The following FLT1 variants were observed in gnomAD, a reference collection of about 807,000 sequenced individuals.
FLT1 encodes the protein vascular endothelial growth factor receptor 1.
In FLT1, 49 loss-of-function variants were observed where a neutral mutation model predicts 156.3. The ratio of observed to expected loss-of-function variants is 0.31; its 90% CI spans 0.25 to 0.40. The LOEUF is 0.40. FLT1 is among the 10% of genes least tolerant of loss of function. FLT1 has a pLI of 1.00. For missense variants in FLT1, 1,322 were observed against 1,637.2 expected, an observed-to-expected ratio of 0.81 and a Z score of 3.32; for synonymous variants, 594 against 583.8, an observed-to-expected ratio of 1.02 and a Z score of -0.25.
At chr13:28,350,222 G>A (rs1038008642) in intron 15 of FLT1, among the ~76,000 whole-genome samples, 23 of 152,220 alleles carry the variant, frequency 1.5e-4, no homozygotes, top group African/African-American at 4.6e-4. Flanking sequence ...CATGATGTGC[G>A]TGAAAGGCCA....
At chr13:28,323,314 C>T (rs1344314553) in intron 20 of FLT1, among the ~76,000 whole-genome samples, 5 of 152,234 alleles carry the variant, frequency 3.3e-5, no homozygotes, top group Admixed American at 6.5e-5. Context: ...CATGGAGAAA[C>T]AGGTTCAGAG....
intron 14 of FLT1, among the ~76,000 whole-genome samples, chr13:28,376,044 C>T (rs1480658633): frequency 6.6e-6 from 1 of 152,222 alleles, no homozygotes; most frequent in East Asian, 1.9e-4. Flanking sequence ...TGGGTATTAA[C>T]AGCCTCATTC....
chr13:28,431,108 T>A (rs760357668), intron 7 of FLT1, 28 bp downstream of exon 7: 18 of 1,580,608 alleles, frequency 1.1e-5, no homozygotes. Flanking sequence ...AAGCATAGCA[T>A]GAGTTGGCAA....
intron 12 of FLT1, among the ~76,000 whole-genome samples, chr13:28,394,139 T>C (rs939206242): frequency 1.3e-5 from 2 of 152,218 alleles, no homozygotes; most frequent in African/African-American, 4.8e-5. Context: ...ATAATAATTA[T>C]TTAAAAACTA....
intron 16 of FLT1, among the ~76,000 whole-genome samples, chr13:28,342,616 G>C (rs575469042): frequency 1.4e-4 from 22 of 152,206 alleles, no homozygotes; most frequent in African/African-American, 4.1e-4. Flanking sequence ...ATATCTTATT[G>C]GTTGTTAATA....
chr13:28,364,257 G>C (rs1873210249), intron 14 of FLT1, among the ~76,000 whole-genome samples: 2 of 151,894 alleles, frequency 1.3e-5, no homozygotes, highest in African/African-American at 4.8e-5. Flanking sequence ...CTATTGCCCA[G>C]GCTGGACTGC....
At chr13:28,355,654 T>C (rs757909458) in intron 15 of FLT1, among the ~76,000 whole-genome samples, 1 of 152,188 alleles carries the variant, frequency 6.6e-6, no homozygotes, top group Non-Finnish European at 1.5e-5. Flanking sequence ...TGGAGCCTAC[T>C]CCAGGATGCA....
Position 28,494,230 on chromosome 13 carries a change from G to A in FLT1, c.64+550C>T, listed in dbSNP as rs564660518. Among the ~76,000 whole-genome samples, 31 of 152,346 alleles carry A rather than the reference G, an allele frequency of 2.0e-4. No homozygotes were observed. In the South Asian group the frequency reaches 5.4e-3, roughly 26 times the overall value. On this transcript the variant is annotated intron_variant, in intron 1 of 29. Coordinates refer to ENST00000282397, the MANE Select transcript of FLT1 (RefSeq NM_002019.4). ...GATCCTCCTGCTCCCCCGCAGGCAC[G>A]AGTCCCCTCCAAATCGGCTCCCCTC...
intron 25 of FLT1, among the ~76,000 whole-genome samples, chr13:28,316,724 C>T (rs549198486): frequency 3.2e-4 from 49 of 151,616 alleles, no homozygotes; most frequent in African/African-American, 1.1e-3. Context: ...CTGCAATCTC[C>T]GCTTCATAGG....
chr13:28,386,791 T>G, intron 13 of FLT1: 1 of 1,053,100 alleles, frequency 9.5e-7, no homozygotes, highest in Middle Eastern at 4.3e-4. Flanking sequence ...AACAGTATCA[T>G]ATTATTATTT....
At chr13:28,452,262 C>T (rs1265165360) in intron 3 of FLT1, among the ~76,000 whole-genome samples, 1 of 152,284 alleles carries the variant, frequency 6.6e-6, no homozygotes, top group East Asian at 1.9e-4. Context: ...TGGAGTCAAC[C>T]AGACTTGAGC....
In FLT1 at chr13:28,457,143, G is replaced by A. The variant is rs574334564; in HGVS notation, c.388+9760C>T. On this transcript the variant is annotated intron_variant, in intron 3 of 29. Transcript: ENST00000282397. ...TGTACCTTCCTCTCAATTTTGCTGT[G>A]AGCCTGAAACTGCTCTAGGAAAAAA... Among the ~76,000 whole-genome samples, 8 of 151,484 alleles carry A rather than the reference G, an allele frequency of 5.3e-5. No homozygotes were observed. The South Asian group carries it at 1.7e-3, about 31-fold the overall frequency.
chr13:28,367,472 T>G (rs1245896905), intron 14 of FLT1, among the ~76,000 whole-genome samples: 1 of 152,200 alleles, frequency 6.6e-6, no homozygotes, highest in Non-Finnish European at 1.5e-5. Flanking sequence ...GATGTCCAAC[T>G]GTCAATTTTA....
intron 3 of FLT1, among the ~76,000 whole-genome samples, chr13:28,463,810 T>C (rs182651551): frequency 6.6e-6 from 1 of 152,214 alleles, no homozygotes; most frequent in East Asian, 1.9e-4. Context: ...GTTAATAAAA[T>C]AATGAGAGAG....
intron 3 of FLT1, among the ~76,000 whole-genome samples, chr13:28,450,144 A>ACAGT (rs1226413710): frequency 1.3e-5 from 2 of 152,220 alleles, no homozygotes; most frequent in African/African-American, 4.8e-5. Context: ...GTGCACACGG[A>ACAGT]CAGTCCCTGG....
chr13:28,490,919 G>A (rs1207138563), intron 1 of FLT1, among the ~76,000 whole-genome samples: 1 of 152,166 alleles, frequency 6.6e-6, no homozygotes, highest in Non-Finnish European at 1.5e-5. Flanking sequence ...ACACCAGCAG[G>A]CTTCGCATTT....
At position 28,322,912 on chromosome 13, in the gene FLT1, T is replaced by C. The variant is rs1445273119; in HGVS notation, c.2831A>G (p.Lys944Arg). 6.2e-7 allele frequency: 1 copy of C among 1,614,134 alleles called. No individual in the cohort carries two copies. Among genetic ancestry groups the C allele is most frequent in the Admixed American group, 1.7e-5 (1 of 60,014 alleles). ...AALHMEPKKE[K>R]MEPGLEQGKK... ...GCCTTGTTCCAGGCCTGGCTCCATT[T>C]TTTCTTTCTTAGGCTCCATGTGTAG... The change falls in exon 21 of 30, where the codon AAA becomes AGA. Residue 944 changes from lysine to arginine, a missense_variant. By Grantham distance (26) the Lys-to-Arg change is conservative. Coordinates refer to ENST00000282397, the MANE Select transcript of FLT1 (RefSeq NM_002019.4). The surrounding 1 kb of genome is among the most constrained non-coding windows in gnomAD (Gnocchi z 4.3).
At chr13:28,379,294 A>G (rs1241279696) in intron 14 of FLT1, among the ~76,000 whole-genome samples, 1 of 152,238 alleles carries the variant, frequency 6.6e-6, no homozygotes, top group East Asian at 1.9e-4. Flanking sequence ...AGATTGTGCC[A>G]CTGCACTCCA....
At chr13:28,408,776 G>A (rs896420607) in intron 10 of FLT1, among the ~76,000 whole-genome samples, 2 of 152,092 alleles carry the variant, frequency 1.3e-5, no homozygotes, top group Non-Finnish European at 2.9e-5. Context: ...GCCTCAGCTC[G>A]GCGCTGTCCT....
Sources: allele counts gnomAD v4.1 joint callset (sites outside exome capture counted in the v4.1 genomes callset), GRCh38; gene constraint gnomAD v4.1.1; non-coding constraint Gnocchi (gnomAD v3.1); transcripts MANE v1.5; gene names NCBI Gene and HGNC (gene_info 2026-07-23, HGNC 2026-07-21).